RIMS2: variants seen among roughly 807,000 people sequenced by gnomAD.
The protein encoded by RIMS2 is regulating synaptic membrane exocytosis protein 2.
Under a neutral mutation model 174.4 loss-of-function variants are expected in RIMS2, and 59 were observed. The ratio of observed to expected loss-of-function variants is 0.34; its 90% CI spans 0.27 to 0.42. The LOEUF is 0.42. RIMS2 is among the 10% of genes least tolerant of loss of function. The pLI, the probability that RIMS2 is intolerant of heterozygous loss-of-function variation, is 1.00. For missense variants in RIMS2, 1,620 were observed against 1,666.3 expected (o/e 0.97, Z 0.48); for synonymous variants, 606 against 572.5 (o/e 1.06, Z -0.84).
At chr8:103,975,503 A>G (rs2093334759) in exon 16 of RIMS2, 2 of 1,611,696 alleles carry the variant, frequency 1.2e-6, no homozygotes, top group East Asian at 2.2e-5. Flanking sequence ...CCTCCTCCAC[A>G]AAGGTAAGAT....
chr8:103,513,915 T>A (rs1827768431), intron 1 of RIMS2, among the ~76,000 whole-genome samples: 2 of 152,210 alleles, frequency 1.3e-5, no homozygotes, highest in Admixed American at 1.3e-4. Flanking sequence ...GAATTTTGAT[T>A]TAAAACAATT....
chr8:103,982,541 G>A (rs186686079), intron 16 of RIMS2, among the ~76,000 whole-genome samples: 1 of 145,038 alleles, frequency 6.9e-6, no homozygotes, highest in Non-Finnish European at 1.5e-5. Context: ...ACATTAAAAA[G>A]GTCGTTCATC....
At chr8:103,850,588 G>A (rs557220598) in intron 3 of RIMS2, among the ~76,000 whole-genome samples, 1 of 152,142 alleles carries the variant, frequency 6.6e-6, no homozygotes, top group South Asian at 2.1e-4. Flanking sequence ...GGTTGAGGGT[G>A]AAGAGACTGG....
At chr8:103,947,051 T>C (rs1031665872) in intron 14 of RIMS2, among the ~76,000 whole-genome samples, 11 of 152,154 alleles carry the variant, frequency 7.2e-5, no homozygotes, top group Admixed American at 2.0e-4. Flanking sequence ...AATATCCACA[T>C]ACAAAATAGT....
chr8:104,041,088 T>C (rs1206190007), intron 19 of RIMS2, among the ~76,000 whole-genome samples: 1 of 151,730 alleles, frequency 6.6e-6, no homozygotes, highest in African/African-American at 2.4e-5. Flanking sequence ...TCTTTATTTC[T>C]ACACTAACTT....
intron 1 of RIMS2, among the ~76,000 whole-genome samples, chr8:103,677,988 G>A (rs1484260971): frequency 6.6e-6 from 1 of 152,152 alleles, no homozygotes; most frequent in Non-Finnish European, 1.5e-5. Context: ...GTTACAGTCT[G>A]TGTATACATC....
At chr8:104,054,516 G>T (rs954016460) in intron 19 of RIMS2, among the ~76,000 whole-genome samples, 1 of 151,984 alleles carries the variant, frequency 6.6e-6, no homozygotes, top group Non-Finnish European at 1.5e-5. Flanking sequence ...AAAATTTAGC[G>T]AAATGGATAA....
intron 2 of RIMS2, among the ~76,000 whole-genome samples, chr8:103,756,327 G>A (rs927980577): frequency 2.7e-5 from 4 of 150,418 alleles, no homozygotes; most frequent in African/African-American, 7.3e-5. Flanking sequence ...GACCGGAGCC[G>A]TTCCTAGTCG....
intron 2 of RIMS2, among the ~76,000 whole-genome samples, chr8:103,733,951 A>G (rs1310967738): frequency 1.4e-5 from 2 of 144,956 alleles, no homozygotes; most frequent in Non-Finnish European, 3.0e-5. Context: ...TGGTGTTTCT[A>G]TGGTGGGAAT....
At chr8:103,786,097 C>G in intron 3 of RIMS2, among the ~76,000 whole-genome samples, 1 of 152,054 alleles carries the variant, frequency 6.6e-6, no homozygotes, top group East Asian at 1.9e-4. Context: ...GTTTGTATTT[C>G]TGTGGGATTG....
intron 1 of RIMS2, among the ~76,000 whole-genome samples, chr8:103,606,884 C>T (rs2095119556): frequency 6.6e-6 from 1 of 151,454 alleles, no homozygotes; most frequent in African/African-American, 2.4e-5. Flanking sequence ...TTATTTTGAG[C>T]CTATGTGTGT....
At chr8:103,610,358 C>T (rs2134160054) in intron 1 of RIMS2, among the ~76,000 whole-genome samples, 1 of 152,242 alleles carries the variant, frequency 6.6e-6, no homozygotes, top group South Asian at 2.1e-4. Context: ...TCAGGACTTC[C>T]AATACTTTGT....
chr8:103,927,754 G>T (rs1209383336), intron 10 of RIMS2: 2 of 844,452 alleles, frequency 2.4e-6, no homozygotes, highest in African/African-American at 1.7e-5. Context: ...AGTTGTATGT[G>T]TTTGTTTTTA....
At chr8:103,806,454 AG>A (rs1564705155) in intron 3 of RIMS2, among the ~76,000 whole-genome samples, 1 of 152,174 alleles carries the variant, frequency 6.6e-6, no homozygotes, top group African/African-American at 2.4e-5. Flanking sequence ...CACAAGCTCT[AG>A]GTACTAGTTC....
At chr8:103,719,703 T>C (rs185388969) in intron 2 of RIMS2, among the ~76,000 whole-genome samples, 13 of 152,320 alleles carry the variant, frequency 8.5e-5, no homozygotes, top group African/African-American at 3.1e-4. Context: ...CCCAGACCTT[T>C]TAGGATGCAT....
chr8:104,205,758 A>ATTT lies in RIMS2; in HGVS notation c.3335-39145_3335-39143dup, dbSNP rs1400866418. 4.2e-3 allele frequency among the ~76,000 whole-genome samples: 613 copies of ATTT among 144,514 alleles called. 7 individuals carry two copies. The highest frequency in any genetic ancestry group is 0.015 in the African/African-American group (577 of 39,158). The allele number at this position is 144,514 out of a possible 152,430, so 94.8% of individuals were successfully genotyped here. A position where few individuals can be genotyped will look rare whatever the true frequency, so the allele number is the denominator to read the frequency against. On this transcript the variant is annotated intron_variant, in intron 19 of 23. Coordinates refer to ENST00000504942, the Ensembl canonical transcript of RIMS2. ...CATCGAGAACTGCTTATTTATTTGA[A>ATTT]TTTTTTTTTTTTTTTGAGATGAAGT...
At chr8:103,556,705 G>A (rs867248419) in intron 1 of RIMS2, among the ~76,000 whole-genome samples, 11 of 152,018 alleles carry the variant, frequency 7.2e-5, no homozygotes, top group Admixed American at 3.3e-4. Context: ...TTATAATATT[G>A]AGAAGCCACT....
At chr8:103,819,305 C>T (rs2098736728) in intron 3 of RIMS2, 1 of 1,395,324 alleles carries the variant, frequency 7.2e-7, no homozygotes, top group African/African-American at 1.5e-5. Context: ...TGCACGGGTA[C>T]TGAATCTTCT....
At chr8:104,166,979 A>G in intron 19 of RIMS2, among the ~76,000 whole-genome samples, 1 of 152,180 alleles carries the variant, frequency 6.6e-6, no homozygotes, top group East Asian at 1.9e-4. Flanking sequence ...ATGGCTGAGC[A>G]GTATTCCATG....
Sources: gnomAD v4.1 joint callset for allele counts (sites outside exome capture counted in the v4.1 genomes callset) on GRCh38, gnomAD v4.1.1 for gene constraint, MANE v1.5 for transcripts, NCBI Gene and HGNC (gene_info 2026-07-23, HGNC 2026-07-21) for gene names.